The following CDH12 variants were observed in gnomAD, a reference collection of about 807,000 sequenced individuals.
The protein encoded by CDH12 is cadherin 12, also known as cadherin-12.
Under a neutral mutation model 74.1 loss-of-function variants are expected in CDH12, and 41 were observed. The ratio of observed to expected loss-of-function variants is 0.55; its 90% CI spans 0.43 to 0.72. The LOEUF (loss-of-function observed/expected upper bound fraction) is 0.72. Among genes scored for constraint, CDH12 ranks in the 30% least tolerant of loss-of-function variants. CDH12 has a pLI of 0.00. For synonymous variants in CDH12, 399 were observed against 355.0 expected (o/e 1.12, Z -1.39); for missense variants, 945 against 977.2 (o/e 0.97, Z 0.44).
chr5:22,406,721 T>C (rs953608718), intron 2 of CDH12, among the ~76,000 whole-genome samples: 1 of 152,100 alleles, frequency 6.6e-6, no homozygotes, highest in South Asian at 2.1e-4. Flanking sequence ...AAGCATGTGG[T>C]AATACAGATA....
chr5:22,702,740 T>C (rs1197743324), intron 1 of CDH12, among the ~76,000 whole-genome samples: 2 of 151,974 alleles, frequency 1.3e-5, no homozygotes, highest in Non-Finnish European at 2.9e-5. Flanking sequence ...AAAAAACCCT[T>C]CACTTTCCTT....
chr5:21,872,221 G>T (rs991010223), intron 6 of CDH12, among the ~76,000 whole-genome samples: 1 of 152,084 alleles, frequency 6.6e-6, no homozygotes, highest in Admixed American at 6.6e-5. Flanking sequence ...CTTATGATTT[G>T]GTATTCAGTC....
chr5:21,826,887 TA>T (rs1159118065), intron 8 of CDH12, among the ~76,000 whole-genome samples: 1 of 152,150 alleles, frequency 6.6e-6, no homozygotes, highest in Non-Finnish European at 1.5e-5. Flanking sequence ...TATATCCTGG[TA>T]AATATTTTAG....
chr5:22,133,339 A>G (rs971722067), intron 4 of CDH12, among the ~76,000 whole-genome samples: 1 of 152,148 alleles, frequency 6.6e-6, no homozygotes, highest in African/African-American at 2.4e-5. Context: ...GAGAATGATC[A>G]TTAGTGAATT....
intron 7 of CDH12, among the ~76,000 whole-genome samples, chr5:21,853,137 T>G (rs1750561622): frequency 6.6e-6 from 1 of 151,284 alleles, no homozygotes; most frequent in African/African-American, 2.4e-5. Context: ...TTTTCACAGC[T>G]AAAAAAAATC....
chr5:22,470,396 T>TTTTTA (rs1318185392), intron 2 of CDH12, among the ~76,000 whole-genome samples: 1 of 148,260 alleles, frequency 6.7e-6, no homozygotes, highest in South Asian at 2.1e-4. Flanking sequence ...GTTACAATTA[T>TTTTTA]TTTTATTTTA....
At chr5:21,880,258 T>G (rs915906471) in intron 6 of CDH12, among the ~76,000 whole-genome samples, 1 of 152,252 alleles carries the variant, frequency 6.6e-6, no homozygotes, top group Non-Finnish European at 1.5e-5. Flanking sequence ...TCCTTCCAAC[T>G]ACCTTACCCT....
chr5:22,527,414 T>C (rs1737335691), intron 1 of CDH12, among the ~76,000 whole-genome samples: 1 of 152,116 alleles, frequency 6.6e-6, no homozygotes, highest in African/African-American at 2.4e-5. Flanking sequence ...TATAACTAGG[T>C]CAAGGAAGAA....
At chr5:22,220,473 T>C (rs948684320) in intron 3 of CDH12, among the ~76,000 whole-genome samples, 1 of 151,790 alleles carries the variant, frequency 6.6e-6, no homozygotes. Flanking sequence ...AGCCTGTTTA[T>C]ATATACATTT....
At chr5:22,714,006 C>T (rs371037483) in intron 1 of CDH12, among the ~76,000 whole-genome samples, 1 of 152,172 alleles carries the variant, frequency 6.6e-6, no homozygotes. Flanking sequence ...TCCTATTTCA[C>T]GTTATGTTGT....
At chr5:22,035,121 A>G (rs1739080999) in intron 5 of CDH12, among the ~76,000 whole-genome samples, 1 of 152,098 alleles carries the variant, frequency 6.6e-6, no homozygotes, top group Admixed American at 6.6e-5. Flanking sequence ...AGTTCATATA[A>G]AGTTCCTTTA....
intron 1 of CDH12, among the ~76,000 whole-genome samples, chr5:22,535,931 T>C (rs1234991709): frequency 6.6e-6 from 1 of 152,226 alleles, no homozygotes; most frequent in Non-Finnish European, 1.5e-5. Flanking sequence ...ACTTTTTTCT[T>C]GTTATTATTC....
intron 3 of CDH12, among the ~76,000 whole-genome samples, chr5:22,242,479 A>T (rs950905071): frequency 5.3e-5 from 8 of 152,208 alleles, no homozygotes; most frequent in African/African-American, 1.9e-4. Flanking sequence ...CCTTGCCAAA[A>T]GAACAGAAAA....
chr5:21,881,255 G>T (rs909022448), intron 6 of CDH12, among the ~76,000 whole-genome samples: 2 of 152,236 alleles, frequency 1.3e-5, no homozygotes, highest in East Asian at 3.9e-4. Context: ...AACAGGAGAG[G>T]AACTTAACAA....
intron 2 of CDH12, among the ~76,000 whole-genome samples, chr5:22,441,944 T>C (rs751335310): frequency 6.6e-5 from 10 of 152,152 alleles, no homozygotes; most frequent in Non-Finnish European, 1.5e-4. Context: ...CATCTAGTGA[T>C]CCACCTGCCT....
intron 1 of CDH12, among the ~76,000 whole-genome samples, chr5:22,645,938 T>G (rs1739413396): frequency 6.6e-6 from 1 of 152,052 alleles, no homozygotes; most frequent in Non-Finnish European, 1.5e-5. Flanking sequence ...AATATAAACA[T>G]AATTTTATCT....
intron 1 of CDH12, among the ~76,000 whole-genome samples, chr5:22,589,296 T>A (rs1454119088): frequency 6.6e-6 from 1 of 152,104 alleles, no homozygotes; most frequent in East Asian, 1.9e-4. Flanking sequence ...TGGACCCAAC[T>A]GTAAGCCTGG....
At chr5:21,922,983 T>TCTATAC (rs61553057) in intron 6 of CDH12, among the ~76,000 whole-genome samples, 1 of 151,694 alleles carries the variant, frequency 6.6e-6, no homozygotes, top group Non-Finnish European at 1.5e-5. Flanking sequence ...TATATCTATA[T>TCTATAC]ATGGAGAGAA....
chr5:21,860,370 T>C (rs1750981533), intron 6 of CDH12, among the ~76,000 whole-genome samples: 1 of 151,932 alleles, frequency 6.6e-6, no homozygotes, highest in African/African-American at 2.4e-5. Flanking sequence ...TATGACCTTA[T>C]TGTTGTCTTT....
Sources: gnomAD v4.1 joint callset for allele counts (sites outside exome capture counted in the v4.1 genomes callset) on GRCh38, gnomAD v4.1.1 for gene constraint, MANE v1.5 for transcripts, NCBI Gene and HGNC (gene_info 2026-07-23, HGNC 2026-07-21) for gene names.